PLCZ1: variants seen among roughly 807,000 people sequenced by gnomAD.
PLCZ1 encodes the protein 1-phosphatidylinositol 4,5-bisphosphate phosphodiesterase zeta-1.
PLCZ1 carries 64 observed loss-of-function variants against 76.8 expected under a neutral mutation model. The observed-to-expected ratio is 0.83, with a 90% confidence interval of 0.68 to 1.03. The LOEUF (loss-of-function observed/expected upper bound fraction) is 1.03, where lower values mean the gene tolerates loss of function less well. PLCZ1 is among the 50% of genes least tolerant of loss of function. The probability of loss-of-function intolerance (pLI) is 0.00; values close to 1 mark genes in which losing one functional copy is unlikely to be tolerated. For missense variants in PLCZ1, 751 were observed against 713.7 expected, an observed-to-expected ratio of 1.05 and a Z score of -0.60; for synonymous variants, 248 against 230.8, an observed-to-expected ratio of 1.07 and a Z score of -0.68.
the PLCZ1 span, among the ~76,000 whole-genome samples, chr12:18,650,429 A>AT: frequency 2.1e-5 from 3 of 145,724 alleles, no homozygotes; most frequent in Admixed American, 6.9e-5. Flanking sequence ...TTACATAGGA[A>AT]TTTTTTTAAT....
chr12:18,711,523 T>G (rs1185251622), intron 6 of PLCZ1, among the ~76,000 whole-genome samples: 1 of 120,650 alleles, frequency 8.3e-6, no homozygotes, highest in South Asian at 2.5e-4. Flanking sequence ...ACCCTAAAAC[T>G]TAAAGTATAA....
At chr12:18,702,998 C>T (rs1460722520) in intron 7 of PLCZ1, among the ~76,000 whole-genome samples, 1 of 151,760 alleles carries the variant, frequency 6.6e-6, no homozygotes, top group Admixed American at 6.6e-5. Flanking sequence ...CATTGAAAAG[C>T]ACCTCCCTGC....
intron 12 of PLCZ1, among the ~76,000 whole-genome samples, chr12:18,692,343 C>T (rs940735002): frequency 1.1e-4 from 17 of 152,042 alleles, no homozygotes; most frequent in African/African-American, 4.1e-4. Flanking sequence ...AATAGAACTG[C>T]TCATAAGTAA....
the PLCZ1 span, among the ~76,000 whole-genome samples, chr12:18,646,389 A>G: frequency 6.6e-6 from 1 of 152,198 alleles, no homozygotes; most frequent in Admixed American, 6.6e-5. Flanking sequence ...GAACACTCAC[A>G]TGGATCAGGG....
At chr12:18,660,264 A>G in the PLCZ1 span, among the ~76,000 whole-genome samples, 1 of 152,086 alleles carries the variant, frequency 6.6e-6, no homozygotes, top group Non-Finnish European at 1.5e-5. Flanking sequence ...GCTTGCCGAA[A>G]CCAGCAGGAG....
the PLCZ1 span, among the ~76,000 whole-genome samples, chr12:18,650,696 G>GTA: frequency 4.6e-5 from 2 of 43,704 alleles, no homozygotes; most frequent in Non-Finnish European, 7.1e-5. Flanking sequence ...GTGTGTGTGT[G>GTA]TGTGTGTGTA....
the PLCZ1 span, among the ~76,000 whole-genome samples, chr12:18,672,698 C>G: frequency 6.6e-6 from 1 of 152,102 alleles, no homozygotes. Context: ...GGAACATGAC[C>G]ATCCCAAGGT....
the PLCZ1 span, among the ~76,000 whole-genome samples, chr12:18,665,509 A>G: frequency 6.6e-6 from 1 of 152,190 alleles, no homozygotes; most frequent in East Asian, 1.9e-4. Context: ...AACAATAATT[A>G]TGGCCAGGTG....
intron 5 of PLCZ1, among the ~76,000 whole-genome samples, chr12:18,715,494 C>T (rs1181484373): frequency 6.6e-6 from 1 of 151,732 alleles, no homozygotes; most frequent in East Asian, 1.9e-4. Flanking sequence ...CTCCGCCTCC[C>T]GGGTTCACGC....
At position 18,712,874 on chromosome 12, in the gene PLCZ1, C is replaced by A; in HGVS notation, c.682G>T (p.Val228Phe). 6.2e-7 allele frequency: 1 copy of A among 1,613,828 alleles called. No individual in the cohort carries two copies. The highest frequency in any genetic ancestry group is 1.1e-5 in the South Asian group (1 of 91,070). ...GCATACTTGTGTATAGCTTGGATAACAGTTTTAAACAGAAGTTTGCTTGTG... is the reference window on the plus strand; with the variant it reads ...GCATACTTGTGTATAGCTTGGATAAAAGTTTTAAACAGAAGTTTGCTTGTG... The part of the protein sequence containing the change: ...TLTSKLLFKT[V>F]IQAIHKYAFM... The change falls in exon 6 of 15, where the codon GTT (valine) becomes TTT (phenylalanine). Residue 228 changes from valine to phenylalanine, a missense_variant. Transcript: ENST00000266505.
chr12:18,692,673 A>C (rs780925128), intron 12 of PLCZ1: 2 of 674,732 alleles, frequency 3.0e-6, no homozygotes, highest in Non-Finnish European at 5.0e-6. Flanking sequence ...TCATTTCTAC[A>C]TTGAAATCAG....
chr12:18,660,124 G>T, the PLCZ1 span, among the ~76,000 whole-genome samples: 1 of 152,082 alleles, frequency 6.6e-6, no homozygotes, highest in African/African-American at 2.4e-5. Context: ...TCTACTGAAG[G>T]CTTGCTTGCA....
At chr12:18,732,080 T>C (rs900868559) in intron 3 of PLCZ1, among the ~76,000 whole-genome samples, 3 of 152,154 alleles carry the variant, frequency 2.0e-5, no homozygotes, top group African/African-American at 7.2e-5. Flanking sequence ...TGGAGATAAG[T>C]ATACAGCCAT....
chr12:18,696,904 A>G (rs1471906387), intron 10 of PLCZ1, among the ~76,000 whole-genome samples: 1 of 152,130 alleles, frequency 6.6e-6, no homozygotes, highest in Non-Finnish European at 1.5e-5. Flanking sequence ...TCTTACTGGG[A>G]TAATCTCTAC....
Position 18,723,548 on chromosome 12 carries a change from A to T in PLCZ1, c.136-6T>A, listed in dbSNP as rs779454791. 1.9e-6 allele frequency: 3 copies of T among 1,604,710 alleles called. No individual in the cohort carries two copies. The highest frequency in any genetic ancestry group is 2.6e-6 in the Non-Finnish European group (3 of 1,173,272). ...TGTTTCAGCCTGTCATTGTCCTACTAAAAAAATGACTGGTGGGCTCACATT... is the reference window on the plus strand; with the variant it reads ...TGTTTCAGCCTGTCATTGTCCTACTTAAAAAATGACTGGTGGGCTCACATT... On this transcript the variant is annotated splice_region_variant and splice_polypyrimidine_tract_variant and intron_variant, in intron 3 of 14. Transcript: ENST00000266505.
chr12:18,646,923 C>A, the PLCZ1 span, among the ~76,000 whole-genome samples: 1 of 151,220 alleles, frequency 6.6e-6, no homozygotes, highest in South Asian at 2.1e-4. Context: ...AAAAAAAAGT[C>A]ACAAAAAAAG....
At chr12:18,715,415 T>C (rs1957863560) in intron 5 of PLCZ1, among the ~76,000 whole-genome samples, 1 of 151,732 alleles carries the variant, frequency 6.6e-6, no homozygotes, top group South Asian at 2.1e-4. Context: ...TTTTTGTTTT[T>C]TTTAGAGACA....
chr12:18,657,086 G>A, the PLCZ1 span, among the ~76,000 whole-genome samples: 1 of 152,114 alleles, frequency 6.6e-6, no homozygotes, highest in Non-Finnish European at 1.5e-5. Flanking sequence ...AGCCCAAAGG[G>A]TTTGTCTTTA....
chr12:18,655,127 C>A, the PLCZ1 span, among the ~76,000 whole-genome samples: 1 of 151,890 alleles, frequency 6.6e-6, no homozygotes. Context: ...CTGTTAAAGA[C>A]TTGTGAAATT....
Sources: allele counts gnomAD v4.1 joint callset (sites outside exome capture counted in the v4.1 genomes callset), GRCh38; gene constraint gnomAD v4.1.1; transcripts MANE v1.5; gene names NCBI Gene and HGNC (gene_info 2026-07-23, HGNC 2026-07-21).